NRG3: variants seen among roughly 807,000 people sequenced by gnomAD.
The protein encoded by NRG3 is pro-neuregulin-3, membrane-bound isoform.
In NRG3, 31 loss-of-function variants were observed where a neutral mutation model predicts 66.9. The observed-to-expected ratio is 0.46, with a 90% CI of 0.35 to 0.63. The LOEUF is 0.63. Ranked by LOEUF, NRG3 falls within the 20% of genes least tolerant of loss-of-function variation. The pLI is 0.00. For synonymous variants in NRG3, 393 were observed against 359.4 expected (o/e 1.09, Z -1.06); for missense variants, 910 against 878.9 (o/e 1.04, Z -0.45).
chr10:82,612,128 A>G (rs1303164230), intron 2 of NRG3, among the ~76,000 whole-genome samples: 3 of 151,752 alleles, frequency 2.0e-5, no homozygotes, highest in East Asian at 1.9e-4. Context: ...TTTTTCTTGT[A>G]TATTTGTTTA....
chr10:82,074,171 G>T lies in NRG3; in HGVS notation c.823+198008G>T, dbSNP rs995937298. On this transcript the variant is annotated intron_variant, in intron 1 of 8. Transcript: ENST00000372141. The stretch of plus-strand genomic sequence containing the variant: ...GGCCAATGTGAAAAGATTTGACAGA[G>T]GTCTGGATATAATGAAAGAATCTGA... Among the ~76,000 whole-genome samples, 3 of 152,066 alleles carry T rather than the reference G, an allele frequency of 2.0e-5. No homozygotes were observed. In the South Asian group the frequency reaches 6.2e-4, roughly 32 times the overall value.
At chr10:82,598,837 G>A (rs894023886) in intron 2 of NRG3, among the ~76,000 whole-genome samples, 1 of 152,090 alleles carries the variant, frequency 6.6e-6, no homozygotes, top group African/African-American at 2.4e-5. Context: ...ATCACCTAAG[G>A]TCAGGAGTTC....
intron 3 of NRG3, among the ~76,000 whole-genome samples, chr10:82,758,770 GA>G (rs34616945): frequency 6.6e-6 from 1 of 151,852 alleles, no homozygotes; most frequent in Non-Finnish European, 1.5e-5. Flanking sequence ...ATATCAGCAT[GA>G]AAAACCAGTG....
intron 1 of NRG3, among the ~76,000 whole-genome samples, chr10:81,968,859 T>C (rs2059826215): frequency 5.3e-5 from 8 of 152,202 alleles, no homozygotes; most frequent in Admixed American, 5.2e-4. Context: ...AGGCAGGTGC[T>C]TATCTCTTTG....
chr10:82,391,860 A>G (rs1424777275), intron 2 of NRG3, among the ~76,000 whole-genome samples: 1 of 152,118 alleles, frequency 6.6e-6, no homozygotes, highest in African/African-American at 2.4e-5. Context: ...CTGCAAAAGC[A>G]GCCATACAAT....
intron 2 of NRG3, among the ~76,000 whole-genome samples, chr10:82,617,372 A>C (rs1418727589): frequency 6.6e-6 from 1 of 151,866 alleles, no homozygotes; most frequent in Non-Finnish European, 1.5e-5. Flanking sequence ...CATGGCACAC[A>C]CAGACACAAA....
chr10:82,266,132 G>T (rs1051367571), intron 1 of NRG3, among the ~76,000 whole-genome samples: 6 of 152,138 alleles, frequency 3.9e-5, no homozygotes, highest in Non-Finnish European at 8.8e-5. Context: ...TCAAAATAGT[G>T]TATGCTTATG....
At chr10:82,158,985 CAAG>C (rs1422541159) in intron 1 of NRG3, among the ~76,000 whole-genome samples, 2 of 151,738 alleles carry the variant, frequency 1.3e-5, no homozygotes, top group Admixed American at 1.3e-4. Context: ...GAGCATGAAA[CAAG>C]AAGAAAATGA....
In NRG3 at chr10:82,680,930, A is replaced by G. The variant is rs540388127; in HGVS notation, c.954-57647A>G. 2.6e-5 allele frequency among the ~76,000 whole-genome samples: 4 copies of G among 152,326 alleles called. No homozygotes were observed. In the East Asian group the frequency reaches 7.7e-4, roughly 29 times the overall value. ...CATGATCCTGTGGCTGCTCAAGGTT[A>G]AGCTGTTCTGGGCAAGAGTTTAAAT... On this transcript the variant is annotated intron_variant, in intron 2 of 8. Coordinates refer to ENST00000372141, the MANE Select transcript of NRG3 (RefSeq NM_001010848.4).
intron 1 of NRG3, among the ~76,000 whole-genome samples, chr10:82,252,547 G>A (rs2077531497): frequency 6.6e-6 from 1 of 152,136 alleles, no homozygotes; most frequent in Non-Finnish European, 1.5e-5. Flanking sequence ...AGGACACTGA[G>A]ATTCAGAAAA....
intron 1 of NRG3, among the ~76,000 whole-genome samples, chr10:82,202,169 C>T (rs1329204755): frequency 6.6e-6 from 1 of 152,182 alleles, no homozygotes; most frequent in Non-Finnish European, 1.5e-5. Context: ...TCAATTCTGT[C>T]TCCTCCCAGA....
At chr10:81,990,949 G>T (rs990232209) in intron 1 of NRG3, among the ~76,000 whole-genome samples, 2 of 152,144 alleles carry the variant, frequency 1.3e-5, no homozygotes, top group African/African-American at 4.8e-5. Flanking sequence ...TGGTTGAAAT[G>T]AGTCAAATTG....
intron 4 of NRG3, among the ~76,000 whole-genome samples, chr10:82,936,510 A>G (rs1334407366): frequency 1.3e-5 from 2 of 152,192 alleles, no homozygotes; most frequent in African/African-American, 4.8e-5. Context: ...GCAGTTGGAT[A>G]GAAGGAATAA....
chr10:82,763,696 T>A (rs1359409679), intron 3 of NRG3, among the ~76,000 whole-genome samples: 4 of 152,146 alleles, frequency 2.6e-5, no homozygotes, highest in Non-Finnish European at 5.9e-5. Context: ...TTTGAAATCT[T>A]CATACAAAAA....
chr10:82,939,570 C>T (rs1204612710), intron 4 of NRG3, among the ~76,000 whole-genome samples: 1 of 151,798 alleles, frequency 6.6e-6, no homozygotes, highest in Non-Finnish European at 1.5e-5. Flanking sequence ...CCCGGGTTCA[C>T]GCCTTTCTCC....
chr10:82,773,644 TC>T (rs1247858609), intron 3 of NRG3, among the ~76,000 whole-genome samples: 2 of 152,144 alleles, frequency 1.3e-5, no homozygotes, highest in Non-Finnish European at 2.9e-5. Context: ...CTTTTTCCTT[TC>T]CAATTTGGAT....
intron 1 of NRG3, among the ~76,000 whole-genome samples, chr10:81,886,323 T>C (rs1842610139): frequency 1.3e-5 from 2 of 152,204 alleles, no homozygotes; most frequent in Non-Finnish European, 1.5e-5. Context: ...CTGATTGTTT[T>C]TGTTACTGTA....
intron 3 of NRG3, among the ~76,000 whole-genome samples, chr10:82,801,913 C>T (rs1393433902): frequency 2.0e-5 from 3 of 152,130 alleles, no homozygotes; most frequent in East Asian, 1.9e-4. Flanking sequence ...TTGCTTTCTT[C>T]GGGTTCCTTT....
chr10:82,073,655 G>A (rs1289202706), intron 1 of NRG3, among the ~76,000 whole-genome samples: 2 of 152,002 alleles, frequency 1.3e-5, no homozygotes, highest in African/African-American at 4.8e-5. Flanking sequence ...ATAGGGATGT[G>A]CTATAATTTA....
Sources: gnomAD v4.1 joint callset for allele counts (sites outside exome capture counted in the v4.1 genomes callset) on GRCh38, gnomAD v4.1.1 for gene constraint, MANE v1.5 for transcripts, NCBI Gene and HGNC (gene_info 2026-07-23, HGNC 2026-07-21) for gene names.